The following ZNF594 variants were observed in gnomAD, a reference collection of about 807,000 sequenced individuals.
ZNF594 encodes zinc finger protein HZF18.
For synonymous variants in ZNF594, 336 were observed against 309.4 expected (o/e 1.09, Z -0.90); for missense variants, 1,037 against 964.6 (o/e 1.08, Z -0.99).
rs776110025 is a variant in ZNF594 at position 5,181,387 on chromosome 17, G to A, written c.*446C>T. 8 of 1,613,012 alleles carry A rather than the reference G, an allele frequency of 5.0e-6. No homozygotes were observed. Among genetic ancestry groups the A allele is most frequent in the Non-Finnish European group, 6.8e-6 (8 of 1,179,098 alleles). On this transcript the variant is annotated 3_prime_UTR_variant, in exon 2 of 2. Transcript: ENST00000575779. ...CTGCCCTGGAAAGCCCTACCACACT[G>A]ATTACACCAATAAGCTTTCTCTTCT...
At position 5,182,905 on chromosome 17, in the gene ZNF594, T is replaced by C. The variant is rs370260242; in HGVS notation, c.1352A>G (p.His451Arg). 1.9e-5 allele frequency: 30 copies of C among 1,614,020 alleles called. No homozygotes were observed. In the African/African-American group the frequency reaches 3.6e-4, roughly 19 times the overall value. The change falls in exon 2 of 2, where the codon CAT becomes CGT. Residue 451 changes from histidine to arginine, a missense_variant. His to Arg is a conservative substitution (Grantham distance 29, BLOSUM62 0). Coordinates refer to ENST00000575779, the MANE Select transcript of ZNF594 (RefSeq NM_032530.2). ...GGGTTTCTCTCCAGTATGAACACGA[T>C]GGTGTCTAATAAGATCTGAGCTGCC... ...FRGSSDLIRH[H>R]RVHTGEKPYE...
In ZNF594 at chr17:5,182,042, C is replaced by T; in HGVS notation, c.2215G>A (p.Glu739Lys). Residue 739 changes from glutamate (E) to lysine (K), a missense_variant, in exon 2 of 2, where the codon GAG (glutamate) becomes AAG (lysine). Glu to Lys is a moderately conservative substitution (Grantham distance 56, BLOSUM62 1). Transcript: ENST00000575779. ...TCCTCATCCTTGCTGAAGGTTTTCT[C>T]ACATTCTTCAAGTTTCTCTCCAGCA... The part of the protein sequence containing the change: ...LHAGEKLEEC[E>K]KTFSKDEELR... The T allele has an allele frequency of 6.2e-7, 1 of 1,613,706 alleles. No individual in the cohort carries two copies. Among genetic ancestry groups the T allele is most frequent in the South Asian group, 1.1e-5 (1 of 91,066 alleles).
chr17:5,189,875 G>A (rs1270209649), intron 1 of ZNF594, among the ~76,000 whole-genome samples: 2 of 152,150 alleles, frequency 1.3e-5, no homozygotes, highest in Non-Finnish European at 2.9e-5. Context: ...TGACAATGCT[G>A]AGGAAAGAAA....
Position 5,183,431 on chromosome 17 carries a change from A to G in ZNF594, c.826T>C (p.Phe276Leu). The change falls in exon 2 of 2, where the codon TTC becomes CTC. Residue 276 changes from phenylalanine (F) to leucine (L), a missense_variant. Transcript: ENST00000575779. Reference protein sequence around the residue: ...PYECYDCGQMFSQSSHLVPHQ... With the variant: ...PYECYDCGQMLSQSSHLVPHQ... ...GGGACAAGGTGTGAACTTTGACTGAACATCTGTCCACAGTCATAACATTCA... is the reference window on the plus strand; with the variant it reads ...GGGACAAGGTGTGAACTTTGACTGAGCATCTGTCCACAGTCATAACATTCA... The G allele has an allele frequency of 1.2e-6, 2 of 1,613,868 alleles. No homozygotes were observed. Among genetic ancestry groups the G allele is most frequent in the Non-Finnish European group, 1.7e-6 (2 of 1,180,030 alleles).
At chr17:5,178,935 A>T (rs1398538014), downstream of ZNF594, among the ~76,000 whole-genome samples, 1 of 152,162 alleles carries the variant, frequency 6.6e-6, no homozygotes, top group East Asian at 1.9e-4. Context: ...ACATAAGAAC[A>T]CAAATGACCC....
chr17:5,183,937 T>G lies in ZNF594; in HGVS notation c.320A>C (p.Asn107Thr). The G allele has an allele frequency of 6.2e-7, 1 of 1,613,964 alleles. No homozygotes were observed. Among genetic ancestry groups the G allele is most frequent in the South Asian group, 1.1e-5 (1 of 91,072 alleles). ...SSHRYEVSGQ[N>T]FKQKSGLTEH... ...AGTTAATCCTGACTTCTGTTTGAAG[T>G]TTTGGCCACTAACCTCATATCTATG... The change falls in exon 2 of 2, where the codon AAC becomes ACC. Residue 107 changes from asparagine to threonine, a missense_variant. Transcript: ENST00000575779.
intron 1 of ZNF594, 53 bp downstream of exon 1, chr17:5,191,695 C>G (rs978601836): frequency 9.8e-5 from 15 of 152,308 alleles, no homozygotes; most frequent in Non-Finnish European, 1.9e-4. Flanking sequence ...CCTCGCTTGC[C>G]GGTGGACGCA....
intron 1 of ZNF594, among the ~76,000 whole-genome samples, chr17:5,190,319 G>C (rs1006086713): frequency 3.3e-5 from 5 of 152,160 alleles, no homozygotes; most frequent in African/African-American, 1.2e-4. Flanking sequence ...AGTGAGCCGA[G>C]ATCGCACCAC....
chr17:5,180,012 A>C lies in ZNF594; in HGVS notation c.*1821T>G, dbSNP rs936101868. On this transcript the variant is annotated 3_prime_UTR_variant, in exon 2 of 2. Transcript: ENST00000575779. Reference sequence around the variant, plus strand: ...CTGTAAGTATCCTGTTTATCCTTATAAACATTAGCTCTCACTGTACAGCAT... The same window carrying C: ...CTGTAAGTATCCTGTTTATCCTTATCAACATTAGCTCTCACTGTACAGCAT... 3 of 151,904 alleles carry C rather than the reference A, an allele frequency of 2.0e-5. No individual in the cohort carries two copies. The highest frequency in any genetic ancestry group is 2.9e-5 in the Non-Finnish European group (2 of 67,996). 9.4% of individuals were successfully genotyped at this position (151,904 alleles called of 1,614,324 possible). A position where few individuals can be genotyped will look rare whatever the true frequency, so the allele number is the denominator to read the frequency against.
In ZNF594 at chr17:5,182,629, A is replaced by C. The variant is rs2074352953; in HGVS notation, c.1628T>G (p.Leu543Arg). ...CTGGCTGAAGGTTTTCTCACATTCA[A>C]GTTTCTCTCCAGTATGCAGGCTCTG... ...KHQSLHTGEK[L>R]ECEKTFSQDE... Residue 543 changes from leucine (L) to arginine (R), a missense_variant, in exon 2 of 2, where the codon CTT becomes CGT. Coordinates refer to ENST00000575779, the MANE Select transcript of ZNF594 (RefSeq NM_032530.2). The C allele has an allele frequency of 6.2e-7, 1 of 1,612,804 alleles. No individual in the cohort carries two copies. The highest frequency in any genetic ancestry group is 2.2e-5 in the East Asian group (1 of 44,720).
At position 5,182,210 on chromosome 17, in the gene ZNF594, T is replaced by G; in HGVS notation, c.2047A>C (p.Ser683Arg). Residue 683 changes from serine (S) to arginine (R), a missense_variant, in exon 2 of 2, where the codon AGT becomes CGT. Transcript: ENST00000575779. ...CGCCTGAAGGCATTCCCACATTCAC[T>G]GCACTGATAGGGTTTCTCTCCAGTA... is the stretch of plus-strand genomic sequence containing the variant. ...IHTGEKPYQC[S>R]ECGNAFRRRS... 6.2e-7 allele frequency: 1 copy of G among 1,613,630 alleles called. No homozygotes were observed. Among genetic ancestry groups the G allele is most frequent in the Non-Finnish European group, 8.5e-7 (1 of 1,179,968 alleles).
rs779476284 is a variant in ZNF594, at chr17:5,182,260, T to G, written c.1997A>C (p.His666Pro). The G allele has an allele frequency of 6.0e-5, 97 of 1,613,382 alleles. No homozygotes were observed. Among genetic ancestry groups the G allele is most frequent in the Middle Eastern group, 4.9e-4 (3 of 6,078 alleles). ...ATGGATTTTCTGGTGTGTAGCAAGG[T>G]GTGACCTCTGGCTGAAGGCTTTCCC... The part of the protein sequence containing the change: ...ECGKAFSQRS[H>P]LATHQKIHTG... Residue 666 changes from histidine to proline, a missense_variant, in exon 2 of 2, where the codon CAC becomes CCC. Transcript: ENST00000575779.
downstream of ZNF594, among the ~76,000 whole-genome samples, chr17:5,178,081 T>G (rs1213346308): frequency 6.6e-6 from 1 of 151,332 alleles, no homozygotes; most frequent in Non-Finnish European, 1.5e-5. Flanking sequence ...TTTTTTTTTT[T>G]TGTGAAGCCA....
chr17:5,187,250 G>A (rs2074391627), intron 1 of ZNF594, among the ~76,000 whole-genome samples: 1 of 152,230 alleles, frequency 6.6e-6, no homozygotes, highest in African/African-American at 2.4e-5. Flanking sequence ...AAGAGAAAAT[G>A]AGGAAGATGC....
Position 5,182,702 on chromosome 17 carries a change from T to C in ZNF594, c.1555A>G (p.Lys519Glu). Reference sequence around the variant, plus strand: ...CAAATGAAGAGCTTCCCACATTCCTTACATTCATAGGGTTTCTCACCACTA... The same window carrying C: ...CAAATGAAGAGCTTCCCACATTCCTCACATTCATAGGGTTTCTCACCACTA... ...IHSGEKPYECKECGKLFIWRT... is the reference protein window; with the variant it reads ...IHSGEKPYECEECGKLFIWRT... Residue 519 changes from lysine to glutamate, a missense_variant, in exon 2 of 2, where the codon AAG (lysine) becomes GAG (glutamate). By Grantham distance (56) the Lys-to-Glu change is moderately conservative. Transcript: ENST00000575779. 5 of 1,613,936 alleles carry C rather than the reference T, an allele frequency of 3.1e-6. No individual in the cohort carries two copies. The highest frequency in any genetic ancestry group is 4.2e-6 in the Non-Finnish European group (5 of 1,179,964).
chr17:5,174,188 CTAAT>C, the ZNF594 span: 32 of 194,410 alleles, frequency 1.6e-4, no homozygotes, highest in East Asian at 8.2e-4. Context: ...TTTTTTCCCT[CTAAT>C]TATTTAAGAT....
chr17:5,190,547 G>A (rs1047920853), intron 1 of ZNF594, among the ~76,000 whole-genome samples: 1 of 152,098 alleles, frequency 6.6e-6, no homozygotes, highest in Non-Finnish European at 1.5e-5. Flanking sequence ...TCACATTCAT[G>A]GGCACGCATT....
At position 5,182,138 on chromosome 17, in the gene ZNF594, G is replaced by T; in HGVS notation, c.2119C>A (p.Pro707Thr). The T allele has an allele frequency of 6.2e-7, 1 of 1,613,462 alleles. No individual in the cohort carries two copies. Among genetic ancestry groups the T allele is most frequent in the Non-Finnish European group, 8.5e-7 (1 of 1,179,978 alleles). Residue 707 changes from proline to threonine, a missense_variant, in exon 2 of 2, where the codon CCC (proline) becomes ACC (threonine). Physicochemically the swap from Pro to Thr is conservative, Grantham distance 38 (BLOSUM62 -1). Coordinates refer to ENST00000575779, the MANE Select transcript of ZNF594 (RefSeq NM_032530.2). ...QHRRLHSGEK[P>T]YECKECGKLF... is the part of the protein sequence containing the mutation. ...TTCCCACATTCCTTACATTCATAGG[G>T]TTTCTCACCACTATGAAGTCTCCGA... is the stretch of plus-strand genomic sequence containing the variant.
At chr17:5,186,814 G>C (rs188442625) in intron 1 of ZNF594, among the ~76,000 whole-genome samples, 1 of 152,314 alleles carries the variant, frequency 6.6e-6, no homozygotes, top group Non-Finnish European at 1.5e-5. Context: ...AATGCCACCA[G>C]TGTCTTTGCT....
Sources: allele counts gnomAD v4.1 joint callset (sites outside exome capture counted in the v4.1 genomes callset), GRCh38; gene constraint gnomAD v4.1.1; transcripts MANE v1.5; gene names NCBI Gene and HGNC (gene_info 2026-07-23, HGNC 2026-07-21).